The following CADM2 variants were observed in gnomAD, a reference collection of about 807,000 sequenced individuals.
CADM2 encodes the protein cell adhesion molecule 2.
Under a neutral mutation model 49.8 loss-of-function variants are expected in CADM2, and 12 were observed. The observed-to-expected ratio is 0.24, with a 90% CI of 0.15 to 0.39. CADM2 has a LOEUF of 0.39. Among genes scored for constraint, CADM2 ranks in the 10% least tolerant of loss-of-function variants. CADM2 has a pLI of 1.00. For synonymous variants in CADM2, 214 were observed against 175.4 expected (o/e 1.22, Z -1.74); for missense variants, 378 against 492.3 (o/e 0.77, Z 2.20).
Position 85,403,544 on chromosome 3 carries a change from T to A in CADM2, c.62-322978T>A, listed in dbSNP as rs183113765. On this transcript the variant is annotated intron_variant, in intron 1 of 9. Transcript: ENST00000383699. ...TCTGAAATGCAGTTAGCCTTTAATGTTATACAGAGACATGCATGGTGAGAT... is the reference window on the plus strand; with the variant it reads ...TCTGAAATGCAGTTAGCCTTTAATGATATACAGAGACATGCATGGTGAGAT... Among the ~76,000 whole-genome samples, 443 of 152,240 alleles carry A rather than the reference T, an allele frequency of 2.9e-3. 1 individual carries two copies. The highest frequency in any genetic ancestry group is 7.2e-3 in the South Asian group (35 of 4,828).
intron 6 of CADM2, among the ~76,000 whole-genome samples, chr3:85,914,937 A>T (rs1256664937): frequency 6.6e-6 from 1 of 152,174 alleles, no homozygotes; most frequent in Non-Finnish European, 1.5e-5. Flanking sequence ...TAATTTTGCT[A>T]ATTTTGTGGA....
intron 8 of CADM2, among the ~76,000 whole-genome samples, chr3:86,007,969 A>T (rs563504821): frequency 6.6e-6 from 1 of 152,238 alleles, no homozygotes; most frequent in South Asian, 2.1e-4. Flanking sequence ...TAAGAGGAAA[A>T]TTTTTTAAGT....
At chr3:85,129,171 G>A (rs2107606082) in intron 1 of CADM2, among the ~76,000 whole-genome samples, 1 of 152,200 alleles carries the variant, frequency 6.6e-6, no homozygotes, top group East Asian at 1.9e-4. Flanking sequence ...AGTTAAAGTA[G>A]CTCAACAGTG....
At chr3:85,060,078 C>T (rs1194579413) in intron 1 of CADM2, among the ~76,000 whole-genome samples, 1 of 152,084 alleles carries the variant, frequency 6.6e-6, no homozygotes, top group Non-Finnish European at 1.5e-5. Context: ...TCCCAAAGAT[C>T]CCACTTAAAT....
At position 85,342,146 on chromosome 3, in the gene CADM2, G is replaced by T. The variant is rs538463682; in HGVS notation, c.61+382478G>T. Among the ~76,000 whole-genome samples, 3 of 151,732 alleles carry T rather than the reference G, an allele frequency of 2.0e-5. No individual in the cohort carries two copies. In the East Asian group the frequency reaches 5.8e-4, roughly 29 times the overall value. Reference sequence around the variant, plus strand: ...AGGGCTAATATCTGGAATCTAAAAAGATATTTAAAAAATTTACTAGAAAAA... The same window carrying T: ...AGGGCTAATATCTGGAATCTAAAAATATATTTAAAAAATTTACTAGAAAAA... On this transcript the variant is annotated intron_variant, in intron 1 of 9. Coordinates refer to ENST00000383699, the MANE Select transcript of CADM2 (RefSeq NM_001167675.2).
intron 1 of CADM2, among the ~76,000 whole-genome samples, chr3:84,975,853 T>G (rs2031785606): frequency 6.6e-6 from 1 of 151,862 alleles, no homozygotes; most frequent in Non-Finnish European, 1.5e-5. Flanking sequence ...CATAAGTGAA[T>G]GCACTGCTAG....
intron 1 of CADM2, among the ~76,000 whole-genome samples, chr3:85,133,861 C>A (rs1024730300): frequency 6.6e-6 from 1 of 152,246 alleles, no homozygotes; most frequent in Non-Finnish European, 1.5e-5. Context: ...CGTGCGCCCG[C>A]GCTCCTCAGC....
Position 85,532,004 on chromosome 3 carries a change from C to T in CADM2, c.62-194518C>T, listed in dbSNP as rs572990700. Among the ~76,000 whole-genome samples the T allele has an allele frequency of 2.6e-5, 4 of 152,152 alleles. No homozygotes were observed. In the South Asian group the frequency reaches 6.2e-4, roughly 24 times the overall value. On this transcript the variant is annotated intron_variant, in intron 1 of 9. Coordinates refer to ENST00000383699, the MANE Select transcript of CADM2 (RefSeq NM_001167675.2). ...CATCCTGGCAAACACGGTGAAACCC[C>T]GTCTATACTAACAATGCAAAAAATT...
At chr3:85,842,130 C>A (rs1577451250) in intron 3 of CADM2, among the ~76,000 whole-genome samples, 1 of 152,170 alleles carries the variant, frequency 6.6e-6, no homozygotes, top group Admixed American at 6.6e-5. Context: ...AAACATTCAC[C>A]ATGAACTCTC....
intron 1 of CADM2, among the ~76,000 whole-genome samples, chr3:85,487,731 T>TGTGTGTGC (rs1236141207): frequency 1.3e-5 from 2 of 150,582 alleles, no homozygotes; most frequent in Non-Finnish European, 2.9e-5. Flanking sequence ...CCTCTGTGTG[T>TGTGTGTGC]GTGTGTGCGT....
chr3:85,619,387 G>A (rs914770407), intron 1 of CADM2, among the ~76,000 whole-genome samples: 1 of 151,782 alleles, frequency 6.6e-6, no homozygotes, highest in African/African-American at 2.4e-5. Flanking sequence ...CAGAATGAAA[G>A]GGGGAAAGAA....
intron 8 of CADM2, among the ~76,000 whole-genome samples, chr3:85,990,042 A>AAAG (rs1553718800): frequency 0.055 from 5,814 of 105,118 alleles, 224 homozygotes; most frequent in East Asian, 0.086. Flanking sequence ...AAAAAAAAAA[A>AAAG]AAGAAGACTA....
intron 1 of CADM2, among the ~76,000 whole-genome samples, chr3:85,347,025 C>G (rs1191475845): frequency 6.6e-6 from 1 of 151,854 alleles, no homozygotes; most frequent in Non-Finnish European, 1.5e-5. Flanking sequence ...GAGTTCAAGA[C>G]CAGCCTGGCC....
chr3:85,336,471 G>A (rs1040859768), intron 1 of CADM2, among the ~76,000 whole-genome samples: 9 of 151,268 alleles, frequency 5.9e-5, no homozygotes, highest in South Asian at 2.1e-4. Context: ...AAGCTCAATG[G>A]CAAATTGATA....
At chr3:85,688,859 C>T (rs1346541867) in intron 1 of CADM2, among the ~76,000 whole-genome samples, 1 of 152,120 alleles carries the variant, frequency 6.6e-6, no homozygotes, top group African/African-American at 2.4e-5. Flanking sequence ...TAAGCCACTG[C>T]ACCTGGCCAA....
At chr3:85,075,706 A>G (rs1468887652) in intron 1 of CADM2, among the ~76,000 whole-genome samples, 1 of 152,168 alleles carries the variant, frequency 6.6e-6, no homozygotes, top group Non-Finnish European at 1.5e-5. Flanking sequence ...CAGGAATTTA[A>G]ATCCATGTTG....
intron 1 of CADM2, among the ~76,000 whole-genome samples, chr3:85,210,306 G>A (rs1559722079): frequency 6.6e-6 from 1 of 152,132 alleles, no homozygotes; most frequent in Non-Finnish European, 1.5e-5. Flanking sequence ...AACCATCCAT[G>A]TCTCCCTGGG....
chr3:86,014,651 A>G, intron 8 of CADM2: 3 of 1,574,918 alleles, frequency 1.9e-6, no homozygotes, highest in Non-Finnish European at 2.6e-6. Context: ...TTAAATGCTT[A>G]TCTCTGGTAC....
chr3:85,468,624 G>A (rs9837358), intron 1 of CADM2, among the ~76,000 whole-genome samples: 5,986 of 152,076 alleles, frequency 0.039, 189 homozygotes, highest in Non-Finnish European at 0.055. Context: ...CTTAACTCTT[G>A]TTTATATCAA....
Sources: gnomAD v4.1 joint callset for allele counts (sites outside exome capture counted in the v4.1 genomes callset) on GRCh38, gnomAD v4.1.1 for gene constraint, MANE v1.5 for transcripts, NCBI Gene and HGNC (gene_info 2026-07-23, HGNC 2026-07-21) for gene names.